FAHD2A: variants seen among roughly 807,000 people sequenced by gnomAD.
FAHD2A encodes the protein fumarylacetoacetate hydrolase domain containing 2A.
A neutral mutation model predicts 33.4 loss-of-function variants in FAHD2A; 27 were observed. That is an observed-to-expected ratio of 0.81 (90% confidence interval 0.60 to 1.11). FAHD2A has a LOEUF of 1.11. Among genes scored for constraint, FAHD2A ranks in the 50% most tolerant of loss-of-function variants. FAHD2A has a pLI of 0.00. For synonymous variants in FAHD2A, 130 were observed against 153.3 expected (o/e 0.85, Z 1.12); for missense variants, 296 against 395.0 (o/e 0.75, Z 2.12).
rs1251756337 is a variant in FAHD2A at position 95,414,833 on chromosome 2, T to G, written c.*1876T>G. ...CCTGCCTGGTGAAGACTGCCCTGGG[T>G]ATCCCAGAACTGAACCTGCAGCAGC... is the stretch of plus-strand genomic sequence containing the variant. On this transcript the variant is annotated 3_prime_UTR_variant, in exon 8 of 8. Transcript: ENST00000233379. 1 of 152,710 alleles carries G rather than the reference T, an allele frequency of 6.5e-6. No individual in the cohort carries two copies. Among genetic ancestry groups the G allele is most frequent in the Non-Finnish European group, 1.5e-5 (1 of 68,574 alleles). 9.5% of individuals were successfully genotyped at this position (152,710 alleles called of 1,614,324 possible).
chr2:95,410,758 G>A, intron 4 of FAHD2A, 106 bp from the exon 5 acceptor site: 1 of 1,565,876 alleles, frequency 6.4e-7, no homozygotes, highest in Non-Finnish European at 8.7e-7. Context: ...ACCTTTGGCT[G>A]GCTCTGGCTA....
chr2:95,414,900 C>T lies in FAHD2A; in HGVS notation c.*1943C>T, dbSNP rs1022503177. 1 of 152,196 alleles carries T rather than the reference C, an allele frequency of 6.6e-6. No homozygotes were observed. The highest frequency in any genetic ancestry group is 1.5e-5 in the Non-Finnish European group (1 of 68,234). 9.4% of individuals were successfully genotyped at this position (152,196 alleles called of 1,614,324 possible). ...GGGGCGATAAGCAGCCAGGGAAAGGCTTTCTTAAAAAAAAACAAAAAACAA... is the reference window on the plus strand; with the variant it reads ...GGGGCGATAAGCAGCCAGGGAAAGGTTTTCTTAAAAAAAAACAAAAAACAA... On this transcript the variant is annotated 3_prime_UTR_variant, in exon 8 of 8. Coordinates refer to ENST00000233379, the MANE Select transcript of FAHD2A (RefSeq NM_016044.3).
intron 6 of FAHD2A, 56 bp from the exon 7 acceptor site, chr2:95,412,621 G>T (rs1241058913): frequency 2.5e-6 from 4 of 1,613,550 alleles, no homozygotes; most frequent in East Asian, 4.5e-5. Context: ...TCCATCTTTG[G>T]CTGTGGCCAC....
chr2:95,407,462 C>G, intron 3 of FAHD2A: 1 of 455,956 alleles, frequency 2.2e-6, no homozygotes, highest in South Asian at 2.4e-5. Flanking sequence ...TCTACCTTCC[C>G]AGTGTTTCTC....
downstream of FAHD2A, among the ~76,000 whole-genome samples, chr2:95,421,035 GT>G (rs1293745226): frequency 1.4e-5 from 2 of 143,660 alleles, no homozygotes; most frequent in Non-Finnish European, 3.0e-5. Flanking sequence ...GTGTGTGTGT[GT>G]GTGTGTGTGT....
chr2:95,404,851 T>G (rs1397877025), intron 1 of FAHD2A, among the ~76,000 whole-genome samples: 1 of 152,190 alleles, frequency 6.6e-6, no homozygotes, highest in Non-Finnish European at 1.5e-5. Context: ...AGGCAACTTG[T>G]TCTCTATCAG....
At chr2:95,407,467 TTTC>T (rs558845014) in intron 3 of FAHD2A, 112 of 445,614 alleles carry the variant, frequency 2.5e-4, no homozygotes, top group African/African-American at 1.9e-3. Flanking sequence ...CTTCCCAGTG[TTTC>T]TCCGCTCCTG....
intron 3 of FAHD2A, 66 bp downstream of exon 3, chr2:95,407,223 T>C (rs1573556638): frequency 8.8e-6 from 14 of 1,586,214 alleles, no homozygotes; most frequent in South Asian, 3.4e-5. Flanking sequence ...GAGCTCAGTA[T>C]TGAGCCTACT....
chr2:95,405,949 T>C (rs370284727), intron 2 of FAHD2A, 146 bp downstream of exon 2: 20 of 1,215,902 alleles, frequency 1.6e-5, no homozygotes, highest in Admixed American at 5.8e-5. Flanking sequence ...TCTTAAAAGA[T>C]CCTTAGAAAT....
At chr2:95,412,844 T>G (rs1374685237) in intron 7 of FAHD2A, 51 bp from the exon 8 acceptor site, 4 of 1,614,126 alleles carry the variant, frequency 2.5e-6, no homozygotes, top group Non-Finnish European at 3.4e-6. Context: ...CAGGCTTGTG[T>G]ATGTGTGTCT....
intron 3 of FAHD2A, among the ~76,000 whole-genome samples, chr2:95,408,771 G>A (rs1682028218): frequency 6.6e-6 from 1 of 152,164 alleles, no homozygotes; most frequent in Admixed American, 6.5e-5. Context: ...CATATCAAGG[G>A]CCAATTAGTA....
chr2:95,410,812 G>C (rs1682360387), intron 4 of FAHD2A, 52 bp from the exon 5 acceptor site: 3 of 1,606,396 alleles, frequency 1.9e-6, no homozygotes, highest in Non-Finnish European at 2.6e-6. Flanking sequence ...CATAGGTGTT[G>C]GTGTCACCCA....
At position 95,414,918 on chromosome 2, in the gene FAHD2A, AAAAAC is replaced by A. The variant is rs1484232132; in HGVS notation, c.*1967_*1971del. On this transcript the variant is annotated 3_prime_UTR_variant, in exon 8 of 8. Transcript: ENST00000233379. ...GGAAAGGCTTTCTTAAAAAAAAACA[AAAAAC>A]AAAACCAATAACTCAGTAAGCAGAT... The A allele has an allele frequency of 2.0e-5, 3 of 152,616 alleles. No individual in the cohort carries two copies. Among genetic ancestry groups the A allele is most frequent in the African/African-American group, 4.8e-5 (2 of 41,528 alleles). 9.5% of individuals were successfully genotyped at this position (152,616 alleles called of 1,614,324 possible).
intron 5 of FAHD2A, among the ~76,000 whole-genome samples, chr2:95,412,172 TTCTCTTCCCCTTCAGAG>T (rs1682626109): frequency 6.6e-6 from 1 of 152,030 alleles, no homozygotes; most frequent in Non-Finnish European, 1.5e-5. Context: ...CTAGCCATTT[TTCTCTTCCCCTTCAGAG>T]TCTGAAACAT....
Position 95,405,888 on chromosome 2 carries a change from A to G in FAHD2A, c.245+85A>G, listed in dbSNP as rs1463422711. On this transcript the variant is annotated intron_variant, in intron 2 of 7. Coordinates refer to ENST00000233379, the MANE Select transcript of FAHD2A (RefSeq NM_016044.3). The stretch of plus-strand genomic sequence containing the variant: ...GCTCTGGGAAACAGCACCAGCAGGT[A>G]GCTCTTTTGCAAGGGAGCAGAGTAA... 40 of 1,432,166 alleles carry G rather than the reference A, an allele frequency of 2.8e-5. No homozygotes were observed. The South Asian group carries it at 5.6e-4, about 20-fold the overall frequency. 88.7% of individuals were successfully genotyped at this position (1,432,166 alleles called of 1,614,324 possible). A position where few individuals can be genotyped will look rare whatever the true frequency, so the allele number is the denominator to read the frequency against.
In FAHD2A at chr2:95,413,872, G is replaced by A. The variant is rs972301331; in HGVS notation, c.*915G>A. ...AGGCACCATCAGGCCAGCCCTGTGG[G>A]GTGATGGGAACATAGCTGGGTTTCC... On this transcript the variant is annotated 3_prime_UTR_variant, in exon 8 of 8. Transcript: ENST00000233379. The A allele has an allele frequency of 3.5e-6, 3 of 846,130 alleles. No homozygotes were observed. Among genetic ancestry groups the A allele is most frequent in the Non-Finnish European group, 6.1e-6 (3 of 493,180 alleles). 52.4% of individuals were successfully genotyped at this position (846,130 alleles called of 1,614,324 possible). A position where few individuals can be genotyped will look rare whatever the true frequency, so the allele number is the denominator to read the frequency against.
chr2:95,420,359 T>G (rs1683298650), downstream of FAHD2A, among the ~76,000 whole-genome samples: 1 of 152,010 alleles, frequency 6.6e-6, no homozygotes, highest in Non-Finnish European at 1.5e-5. Flanking sequence ...CAAGGAGAAA[T>G]CATACCTTAA....
rs141385169 is a variant in FAHD2A at position 95,410,875 on chromosome 2, T to C, written c.534T>C (p.Ala178=). The change falls in exon 5 of 8, where the codon GCT becomes GCC. Residue 178 remains alanine, a synonymous_variant. Coordinates refer to ENST00000233379, the MANE Select transcript of FAHD2A (RefSeq NM_016044.3). ...KKGKHIKATD[A]MAHVAGFTVA... ...CCCTGCCCCCATAGGCCACAGATGCTATGGCCCACGTGGCCGGCTTCACTG... is the reference window on the plus strand; with the variant it reads ...CCCTGCCCCCATAGGCCACAGATGCCATGGCCCACGTGGCCGGCTTCACTG... The C allele has an allele frequency of 1.8e-4, 288 of 1,613,976 alleles. No homozygotes were observed. In the African/African-American group the frequency reaches 2.4e-3, roughly 14 times the overall value.
At chr2:95,417,190 C>A (rs1683233937), downstream of FAHD2A, among the ~76,000 whole-genome samples, 1 of 152,232 alleles carries the variant, frequency 6.6e-6, no homozygotes, top group Non-Finnish European at 1.5e-5. Flanking sequence ...AGAACATCTG[C>A]CTCCATCAAT....
Sources: gnomAD v4.1 joint callset for allele counts (sites outside exome capture counted in the v4.1 genomes callset) on GRCh38, gnomAD v4.1.1 for gene constraint, MANE v1.5 for transcripts, NCBI Gene and HGNC (gene_info 2026-07-23, HGNC 2026-07-21) for gene names.